Variants in KCNN2 observed in about 807,000 individuals in gnomAD.
The protein encoded by KCNN2 is potassium calcium-activated channel subfamily N member 2.
In KCNN2, 24 loss-of-function variants were observed where a neutral mutation model predicts 55.5. The ratio of observed to expected loss-of-function variants is 0.43; its 90% CI spans 0.31 to 0.61. The LOEUF (loss-of-function observed/expected upper bound fraction) is 0.61, where lower values mean the gene tolerates loss of function less well. Among genes scored for constraint, KCNN2 ranks in the 20% least tolerant of loss-of-function variants. The pLI is 0.08. For synonymous variants in KCNN2, 431 were observed against 336.1 expected (o/e 1.28, Z -3.09); for missense variants, 754 against 853.6 (o/e 0.88, Z 1.45).
chr5:114,071,137 A>G (rs1750560454), intron 1 of KCNN2, among the ~76,000 whole-genome samples: 1 of 152,226 alleles, frequency 6.6e-6, no homozygotes. Flanking sequence ...TAATTAAAGA[A>G]GGAAGAATTT....
chr5:114,443,795 A>C (rs1760302318), intron 3 of KCNN2, among the ~76,000 whole-genome samples: 1 of 152,228 alleles, frequency 6.6e-6, no homozygotes, highest in Admixed American at 6.5e-5. Flanking sequence ...AGATTTACTA[A>C]GAAGCAGCCT....
At chr5:114,056,304 G>A (rs1007353901) in exon 1 of KCNN2, 3 of 398,502 alleles carry the variant, frequency 7.5e-6, no homozygotes, top group Non-Finnish European at 1.3e-5. Flanking sequence ...GGAATTTGAC[G>A]CCCGAGAGGC....
At chr5:114,193,535 T>G (rs1753491745) in intron 1 of KCNN2, among the ~76,000 whole-genome samples, 1 of 152,160 alleles carries the variant, frequency 6.6e-6, no homozygotes. Context: ...TCTTCTCAAC[T>G]CACTCTGGAT....
intron 3 of KCNN2, among the ~76,000 whole-genome samples, chr5:114,419,324 A>G (rs1261967130): frequency 6.6e-6 from 1 of 152,252 alleles, no homozygotes; most frequent in African/African-American, 2.4e-5. Context: ...GTAGTCTACA[A>G]AGCCTAAAAT....
intron 1 of KCNN2, among the ~76,000 whole-genome samples, chr5:114,213,715 C>T (rs557807560): frequency 6.6e-6 from 1 of 151,892 alleles, no homozygotes. Flanking sequence ...TGCCGTTGGT[C>T]TTGCTGTCTT....
At position 114,400,181 on chromosome 5, in the gene KCNN2, C is replaced by G. The variant is rs79943409; in HGVS notation, c.1219-4257C>G. ...CTTTTGGGTTGGTTTGCTCTTGTTT[C>G]TGTAGTTTCCCTAGGTTGATGTTAG... On this transcript the variant is annotated intron_variant, in intron 2 of 7. Coordinates refer to ENST00000673685, the MANE Select transcript of KCNN2 (RefSeq NM_021614.4). Among the ~76,000 whole-genome samples the G allele has an allele frequency of 7.5e-3, 1,147 of 152,092 alleles. 14 individuals carry two copies. The highest frequency in any genetic ancestry group is 0.026 in the African/African-American group (1,084 of 41,494).
chr5:114,199,621 T>TC (rs1554074385), intron 1 of KCNN2, among the ~76,000 whole-genome samples: 1 of 151,820 alleles, frequency 6.6e-6, no homozygotes, highest in South Asian at 2.1e-4. Context: ...TATTTTTTTT[T>TC]ATGTGGCTTT....
At chr5:114,287,133 T>C (rs1001807893) in intron 2 of KCNN2, among the ~76,000 whole-genome samples, 4 of 151,538 alleles carry the variant, frequency 2.6e-5, no homozygotes, top group Non-Finnish European at 5.9e-5. Flanking sequence ...ACCAAAAGAG[T>C]AGAGGGTGAA....
rs145959354 is a variant in KCNN2 at position 114,467,018 on chromosome 5, T to G, written c.1779+3828T>G. On this transcript the variant is annotated intron_variant, in intron 4 of 7. Transcript: ENST00000673685. ...CAAGTCAGTTCAGGACAGAAGCCTT[T>G]ACACAGCCTTGCCTTTTCCTTAAGA... Among the ~76,000 whole-genome samples, 137 of 152,334 alleles carry G rather than the reference T, an allele frequency of 9.0e-4. 1 individual carries two copies. The highest frequency in any genetic ancestry group is 3.3e-3 in the African/African-American group (136 of 41,580).
intron 2 of KCNN2, among the ~76,000 whole-genome samples, chr5:114,375,257 CAT>C (rs1263678291): frequency 2.0e-4 from 31 of 152,128 alleles, no homozygotes; most frequent in Non-Finnish European, 4.4e-4. Context: ...GAAATTAAAA[CAT>C]AATAATGAGG....
At chr5:114,446,741 ATGAGTCACTACACCTGGCC>A (rs1301234436) in intron 3 of KCNN2, among the ~76,000 whole-genome samples, 3 of 152,152 alleles carry the variant, frequency 2.0e-5, no homozygotes, top group African/African-American at 7.2e-5. Context: ...GATTACAGGC[ATGAGTCACTACACCTGGCC>A]TTTAAATTTA....
intron 2 of KCNN2, among the ~76,000 whole-genome samples, chr5:114,263,572 C>T (rs1026893735): frequency 6.6e-6 from 1 of 152,178 alleles, no homozygotes; most frequent in Non-Finnish European, 1.5e-5. Context: ...TTGAATCTGG[C>T]TCTTGCTCAG....
intron 1 of KCNN2, among the ~76,000 whole-genome samples, chr5:114,127,860 G>A (rs116757322): frequency 6.6e-6 from 1 of 152,116 alleles, no homozygotes; most frequent in African/African-American, 2.4e-5. Flanking sequence ...GATCTTTAGG[G>A]CAGGGGCAAA....
intron 2 of KCNN2, among the ~76,000 whole-genome samples, chr5:114,338,191 T>C (rs1016108857): frequency 6.6e-6 from 1 of 152,206 alleles, no homozygotes; most frequent in Non-Finnish European, 1.5e-5. Flanking sequence ...GGTAGGTGAA[T>C]ACAAATTATT....
In KCNN2 at chr5:114,496,273, G is replaced by A; in HGVS notation, c.*91G>A. On this transcript the variant is annotated 3_prime_UTR_variant, in exon 8 of 8. Coordinates refer to ENST00000673685, the MANE Select transcript of KCNN2 (RefSeq NM_021614.4). ...TGTAAAGCCCCTATGGTTCTAATCAGCGTTATCCGGGTTCTGATGTCAGAA... is the reference window on the plus strand; with the variant it reads ...TGTAAAGCCCCTATGGTTCTAATCAACGTTATCCGGGTTCTGATGTCAGAA... The A allele has an allele frequency of 7.4e-7, 1 of 1,355,620 alleles. No homozygotes were observed. The highest frequency in any genetic ancestry group is 1.0e-6 in the Non-Finnish European group (1 of 1,000,108). The allele number at this position is 1,355,620 out of a possible 1,614,324, so 84.0% of individuals were successfully genotyped here.
Position 114,351,562 on chromosome 5 carries a change from A to G in KCNN2, c.-184-9383A>G, listed in dbSNP as rs77239324. On this transcript the variant is annotated intron_variant, in intron 2 of 10. Transcript: ENST00000512097. ...GCCATTTAGTCTCTCACCAGTAAGT[A>G]TGATATTAGTAGTAGATTTTTTTCA... Among the ~76,000 whole-genome samples the G allele has an allele frequency of 2.8e-4, 43 of 151,894 alleles. No homozygotes were observed. In the East Asian group the frequency reaches 8.3e-3, roughly 29 times the overall value.
intron 2 of KCNN2, among the ~76,000 whole-genome samples, chr5:114,284,378 A>G (rs760857582): frequency 6.6e-6 from 1 of 152,174 alleles, no homozygotes; most frequent in African/African-American, 2.4e-5. Flanking sequence ...CTGTTTTAGT[A>G]GGAGCTGTTT....
At chr5:114,420,723 T>A (rs1759448530) in intron 3 of KCNN2, among the ~76,000 whole-genome samples, 1 of 152,182 alleles carries the variant, frequency 6.6e-6, no homozygotes, top group Admixed American at 6.5e-5. Context: ...AAGAAAGCAT[T>A]CACAGAACAT....
chr5:114,177,156 G>C (rs373560630), intron 1 of KCNN2, among the ~76,000 whole-genome samples: 1 of 65,744 alleles, frequency 1.5e-5, no homozygotes, highest in South Asian at 5.6e-4. Context: ...TTTTTTTTTT[G>C]AAACGGAGTC....
Sources: allele counts gnomAD v4.1 joint callset (sites outside exome capture counted in the v4.1 genomes callset), GRCh38; gene constraint gnomAD v4.1.1; transcripts MANE v1.5; gene names NCBI Gene and HGNC (gene_info 2026-07-23, HGNC 2026-07-21).